LEPR: variants seen among roughly 807,000 people sequenced by gnomAD.
LEPR encodes the protein leptin receptor.
LEPR carries 56 observed loss-of-function variants against 114.7 expected under a neutral mutation model. The ratio of observed to expected loss-of-function variants is 0.49; its 90% CI spans 0.39 to 0.61. LEPR has a LOEUF of 0.61. Among genes scored for constraint, LEPR ranks in the 20% least tolerant of loss-of-function variants. The pLI is 0.00. For missense variants in LEPR, 1,202 were observed against 1,352.9 expected (o/e 0.89, Z 1.75); for synonymous variants, 443 against 461.4 (o/e 0.96, Z 0.51).
intron 2 of LEPR, among the ~76,000 whole-genome samples, chr1:65,542,026 C>T (rs187404926): frequency 6.6e-6 from 1 of 152,208 alleles, no homozygotes; most frequent in African/African-American, 2.4e-5. Context: ...TCTGATCTTC[C>T]TTTGAAAGCC....
chr1:65,468,849 A>G (rs1025716390), intron 2 of LEPR, among the ~76,000 whole-genome samples: 2 of 152,216 alleles, frequency 1.3e-5, no homozygotes, highest in Non-Finnish European at 2.9e-5. Context: ...CAAGTTGGGT[A>G]TAAGAAATAA....
intron 9 of LEPR, 67 bp downstream of exon 9, chr1:65,601,749 A>G (rs967764057): frequency 1.9e-6 from 3 of 1,607,202 alleles, no homozygotes; most frequent in African/African-American, 1.3e-5. Context: ...CCCTCCTTAT[A>G]TTAGAGTCCT....
At position 65,632,858 on chromosome 1, in the gene LEPR, C is replaced by G. The variant is rs879861806; in HGVS notation, c.2674-3333C>G. Among the ~76,000 whole-genome samples the G allele has an allele frequency of 5.6e-4, 85 of 151,880 alleles. 2 individuals are homozygous for G. Among genetic ancestry groups the G allele is most frequent in the Admixed American group, 4.6e-3 (70 of 15,224 alleles). Reference sequence around the variant, plus strand: ...GTTCTCCCTCTTTAAATTTTTCCAGCTCGTTGTTCTTCTCTCCTTTTACCT... The same window carrying G: ...GTTCTCCCTCTTTAAATTTTTCCAGGTCGTTGTTCTTCTCTCCTTTTACCT... On this transcript the variant is annotated intron_variant, in intron 19 of 19. Coordinates refer to ENST00000349533, the MANE Select transcript of LEPR (RefSeq NM_002303.6).
chr1:65,583,952 T>C (rs1655159476), intron 5 of LEPR, among the ~76,000 whole-genome samples: 1 of 152,170 alleles, frequency 6.6e-6, no homozygotes, highest in South Asian at 2.1e-4. Context: ...AATGCATTTT[T>C]TGTAAACAAA....
At position 65,570,561 on chromosome 1, in the gene LEPR, C is replaced by G; in HGVS notation, c.129C>G (p.Thr43=). The G allele has an allele frequency of 1.2e-6, 2 of 1,614,004 alleles. No individual in the cohort carries two copies. Among genetic ancestry groups the G allele is most frequent in the Middle Eastern group, 1.7e-4 (1 of 6,058 alleles). The change falls in exon 4 of 20, where the codon ACC becomes ACG. Residue 43 remains threonine (T), a synonymous_variant. Transcript: ENST00000349533. ...TGTCTTGCATGCCACCAAATTCAAC[C>G]TATGACTACTTCCTTTTGCCTGCTG... The part of the protein sequence containing the change: ...FKLSCMPPNS[T]YDYFLLPAGL...
intron 2 of LEPR, among the ~76,000 whole-genome samples, chr1:65,532,766 C>T (rs1255570813): frequency 6.6e-6 from 1 of 152,062 alleles, no homozygotes; most frequent in African/African-American, 2.4e-5. Context: ...ATGAACTGTC[C>T]AGAATAGGCA....
At chr1:65,496,150 A>G (rs948637678) in intron 2 of LEPR, among the ~76,000 whole-genome samples, 2 of 152,238 alleles carry the variant, frequency 1.3e-5, no homozygotes, top group Non-Finnish European at 1.5e-5. Context: ...GTATCAAAAT[A>G]TCAGATGTAT....
At chr1:65,505,862 G>T (rs893044413) in intron 2 of LEPR, among the ~76,000 whole-genome samples, 7 of 151,470 alleles carry the variant, frequency 4.6e-5, no homozygotes, top group African/African-American at 1.7e-4. Context: ...TCTGACTGAT[G>T]CAATTAGTCT....
chr1:65,608,861 A>G lies in LEPR; in HGVS notation c.1712A>G (p.Gln571Arg). 6.2e-7 allele frequency: 1 copy of G among 1,613,802 alleles called. No homozygotes were observed. Among genetic ancestry groups the G allele is most frequent in the Non-Finnish European group, 8.5e-7 (1 of 1,179,844 alleles). The change falls in exon 12 of 20, where the codon CAG becomes CGG. Residue 571 changes from glutamine (Q) to arginine (R), a missense_variant. By Grantham distance (43) the Gln-to-Arg change is conservative. Coordinates refer to ENST00000349533, the MANE Select transcript of LEPR (RefSeq NM_002303.6). ...TTTCCAGAGAATAACCTTCAATTCC[A>G]GATTCGCTATGGTTTAAGTGGAAAA... ...PVFPENNLQF[Q>R]IRYGLSGKEV...
chr1:65,518,968 CTTTTT>C (rs2100575195), intron 2 of LEPR, among the ~76,000 whole-genome samples: 1 of 127,286 alleles, frequency 7.9e-6, no homozygotes, highest in East Asian at 2.7e-4. Flanking sequence ...TTTTTCTTTT[CTTTTT>C]CTCTCTCTCT....
At chr1:65,478,405 T>G (rs1570527878) in intron 2 of LEPR, among the ~76,000 whole-genome samples, 1 of 152,190 alleles carries the variant, frequency 6.6e-6, no homozygotes, top group African/African-American at 2.4e-5. Flanking sequence ...TTATGGTAGG[T>G]AGAAAGAGGT....
intron 2 of LEPR, among the ~76,000 whole-genome samples, chr1:65,557,511 C>T (rs922678882): frequency 6.6e-6 from 1 of 152,112 alleles, no homozygotes; most frequent in African/African-American, 2.4e-5. Context: ...CCTTCACCTC[C>T]CGGGTTCAAG....
At chr1:65,628,223 G>A (rs1018924954) in intron 19 of LEPR, among the ~76,000 whole-genome samples, 6 of 151,952 alleles carry the variant, frequency 3.9e-5, no homozygotes, top group Non-Finnish European at 8.8e-5. Context: ...TCTTTTGTAT[G>A]TTCCACTTCC....
At chr1:65,430,224 G>A (rs1380422578) in intron 2 of LEPR, 1 of 458,284 alleles carries the variant, frequency 2.2e-6, no homozygotes, top group African/African-American at 2.0e-5. Flanking sequence ...CATGCCTTCA[G>A]AGTGCTTTCT....
At chr1:65,520,073 C>T (rs2100579281) in intron 2 of LEPR, among the ~76,000 whole-genome samples, 1 of 152,248 alleles carries the variant, frequency 6.6e-6, no homozygotes, top group South Asian at 2.1e-4. Context: ...CCGTGTTAGC[C>T]AGAATGGTCT....
At chr1:65,631,612 AAG>A (rs1176991886) in intron 19 of LEPR, among the ~76,000 whole-genome samples, 1 of 92,148 alleles carries the variant, frequency 1.1e-5, no homozygotes, top group Non-Finnish European at 2.2e-5. Context: ...CTATAGAGAC[AAG>A]AGAGAAACCT....
chr1:65,455,094 C>A (rs1478484741), intron 2 of LEPR, among the ~76,000 whole-genome samples: 37 of 152,286 alleles, frequency 2.4e-4, no homozygotes, highest in African/African-American at 6.7e-4. Context: ...AGGCTTCTGC[C>A]TTCTTCACGT....
chr1:65,525,911 C>T (rs1046259336), intron 2 of LEPR: 1 of 912,066 alleles, frequency 1.1e-6, no homozygotes, highest in Non-Finnish European at 1.3e-6. Context: ...GCGTGGCAGA[C>T]GCGGAGCCCC....
chr1:65,472,150 C>CAA (rs1358987167), intron 2 of LEPR, among the ~76,000 whole-genome samples: 1 of 151,886 alleles, frequency 6.6e-6, no homozygotes, highest in Non-Finnish European at 1.5e-5. Context: ...CTGAGGTCTT[C>CAA]AAAACATCAT....
Sources: allele counts gnomAD v4.1 joint callset (sites outside exome capture counted in the v4.1 genomes callset), GRCh38; gene constraint gnomAD v4.1.1; transcripts MANE v1.5; gene names NCBI Gene and HGNC (gene_info 2026-07-23, HGNC 2026-07-21).